Variants in CNTNAP2 observed in about 807,000 individuals in gnomAD.
CNTNAP2 encodes contactin associated protein 2.
Under a neutral mutation model 155.2 loss-of-function variants are expected in CNTNAP2, and 98 were observed. The ratio of observed to expected loss-of-function variants is 0.63; its 90% CI spans 0.54 to 0.75. The LOEUF is 0.75. Among genes scored for constraint, CNTNAP2 ranks in the 30% least tolerant of loss-of-function variants. The pLI, the probability that CNTNAP2 is intolerant of heterozygous loss-of-function variation, is 0.00. For synonymous variants in CNTNAP2, 651 were observed against 631.2 expected, an observed-to-expected ratio of 1.03 and a Z score of -0.47; for missense variants, 1,727 against 1,688.1, an observed-to-expected ratio of 1.02 and a Z score of -0.40.
At position 148,172,145 on chromosome 7, in the gene CNTNAP2, T is replaced by C. The variant is rs528810293; in HGVS notation, c.2774-97T>C. The C allele has an allele frequency of 4.5e-5, 51 of 1,135,900 alleles. No individual in the cohort carries two copies. The African/African-American group carries it at 5.2e-4, about 11-fold the overall frequency. The allele number at this position is 1,135,900 out of a possible 1,614,324, so 70.4% of individuals were successfully genotyped here. ...GATAGTGACAATACTAGATGTGCTA[T>C]GCAGTGTCATCTCCTACCACAGTTG... On this transcript the variant is annotated intron_variant, in intron 17 of 23. Coordinates refer to ENST00000361727, the MANE Select transcript of CNTNAP2 (RefSeq NM_014141.6).
chr7:147,546,482 A>T (rs1799735677), intron 11 of CNTNAP2, among the ~76,000 whole-genome samples: 1 of 152,216 alleles, frequency 6.6e-6, no homozygotes. Flanking sequence ...TCTTCTGGAA[A>T]AGTGAACATC....
rs144055396 is a variant in CNTNAP2 at position 147,120,558 on chromosome 7, T to C, written c.755-421T>C. On this transcript the variant is annotated intron_variant, in intron 5 of 23. Transcript: ENST00000361727. ...GCACTTTTTTCCATGTTTAATAACTTGTACGTACTTTGAACATAAAGTATT... is the reference window on the plus strand; with the variant it reads ...GCACTTTTTTCCATGTTTAATAACTCGTACGTACTTTGAACATAAAGTATT... Among the ~76,000 whole-genome samples the C allele has an allele frequency of 2.0e-5, 3 of 152,320 alleles. 1 individual carries two copies. Among genetic ancestry groups the C allele is most frequent in the African/African-American group, 7.2e-5 (3 of 41,582 alleles).
At chr7:148,280,188 G>A (rs1316110755) in intron 21 of CNTNAP2, among the ~76,000 whole-genome samples, 1 of 151,948 alleles carries the variant, frequency 6.6e-6, no homozygotes, top group Non-Finnish European at 1.5e-5. Flanking sequence ...CATGCCTGTA[G>A]TCCCAGCTAC....
chr7:147,790,393 T>C (rs1797801741), intron 13 of CNTNAP2, among the ~76,000 whole-genome samples: 1 of 152,174 alleles, frequency 6.6e-6, no homozygotes, highest in African/African-American at 2.4e-5. Flanking sequence ...AGGAACAGAG[T>C]TCAGTAAGTA....
chr7:147,954,901 T>C (rs1215290856), intron 14 of CNTNAP2, among the ~76,000 whole-genome samples: 1 of 152,252 alleles, frequency 6.6e-6, no homozygotes, highest in Admixed American at 6.5e-5. Context: ...GTGATTTCAC[T>C]ATGAAGAGAT....
In CNTNAP2 at chr7:146,943,495, C is replaced by A. The variant is rs548034662; in HGVS notation, c.403-100412C>A. Among the ~76,000 whole-genome samples, 4 of 152,150 alleles carry A rather than the reference C, an allele frequency of 2.6e-5. No homozygotes were observed. The East Asian group carries it at 7.7e-4, about 29-fold the overall frequency. Reference sequence around the variant, plus strand: ...TGACAGAGTAAGATTCTGTCTCAAACAAACAAAGCAAACAAAGAAAAAGAG... The same window carrying A: ...TGACAGAGTAAGATTCTGTCTCAAAAAAACAAAGCAAACAAAGAAAAAGAG... On this transcript the variant is annotated intron_variant, in intron 3 of 23. Coordinates refer to ENST00000361727, the MANE Select transcript of CNTNAP2 (RefSeq NM_014141.6).
intron 15 of CNTNAP2, among the ~76,000 whole-genome samples, chr7:148,103,279 C>T (rs983352018): frequency 5.9e-5 from 9 of 151,660 alleles, no homozygotes; most frequent in Admixed American, 5.9e-4. Flanking sequence ...CTAAGCAGTA[C>T]CCAGCTTGAC....
intron 15 of CNTNAP2, among the ~76,000 whole-genome samples, chr7:148,051,991 T>C (rs1247973684): frequency 6.6e-6 from 1 of 151,976 alleles, no homozygotes; most frequent in African/African-American, 2.4e-5. Flanking sequence ...TACAAAAAAT[T>C]AGCCGGGCGT....
intron 11 of CNTNAP2, among the ~76,000 whole-genome samples, chr7:147,558,804 A>G (rs4520082): frequency 0.46 from 70,092 of 150,862 alleles, 16,377 homozygotes; most frequent in East Asian, 0.62. Flanking sequence ...GTGCGGTGGC[A>G]CAATCTTATC....
chr7:147,917,323 T>TATAACTGCATATAACTGCATA (rs1477360349), intron 14 of CNTNAP2, among the ~76,000 whole-genome samples: 1 of 152,198 alleles, frequency 6.6e-6, no homozygotes, highest in African/African-American at 2.4e-5. Flanking sequence ...TAGGGCTAGG[T>TATAACTGCATATAACTGCATA]TAAGCTGCAT....
intron 1 of CNTNAP2, among the ~76,000 whole-genome samples, chr7:146,525,936 C>A (rs928338120): frequency 2.0e-5 from 3 of 152,092 alleles, no homozygotes; most frequent in Non-Finnish European, 4.4e-5. Context: ...CCAATGGAGC[C>A]ACACAGTGGA....
At chr7:146,989,456 G>A (rs969611099) in intron 3 of CNTNAP2, among the ~76,000 whole-genome samples, 2 of 152,016 alleles carry the variant, frequency 1.3e-5, no homozygotes, top group Non-Finnish European at 2.9e-5. Flanking sequence ...TTGGCTAAAA[G>A]GGCTAAGAAG....
At chr7:148,147,362 C>T (rs564291506) in intron 16 of CNTNAP2, 129 bp from the exon 17 acceptor site, 35 of 890,692 alleles carry the variant, frequency 3.9e-5, no homozygotes, top group Admixed American at 1.0e-4. Context: ...ATTTTGCCAT[C>T]GACCTTTGTA....
intron 18 of CNTNAP2, 72 bp from the exon 19 acceptor site, chr7:148,217,216 T>C (rs1285267438): frequency 2.0e-6 from 3 of 1,471,406 alleles, no homozygotes; most frequent in Admixed American, 1.7e-5. Context: ...CATGAACTGC[T>C]GGAGAGGTCA....
chr7:148,321,001 AAG>A (rs1797782451), intron 21 of CNTNAP2, among the ~76,000 whole-genome samples: 1 of 152,168 alleles, frequency 6.6e-6, no homozygotes, highest in Non-Finnish European at 1.5e-5. Context: ...TTTCAGAGTA[AAG>A]AGAGGTTTCT....
intron 9 of CNTNAP2, among the ~76,000 whole-genome samples, chr7:147,349,721 G>A (rs962731239): frequency 6.6e-6 from 1 of 151,844 alleles, no homozygotes; most frequent in East Asian, 1.9e-4. Context: ...AATTCTGATG[G>A]TTTTAAAACT....
Position 146,239,939 on chromosome 7 carries a change from T to C in CNTNAP2, c.97+122966T>C, listed in dbSNP as rs73739593. On this transcript the variant is annotated intron_variant, in intron 1 of 23. Coordinates refer to ENST00000361727, the MANE Select transcript of CNTNAP2 (RefSeq NM_014141.6). Reference sequence around the variant, plus strand: ...TAAAATTTTAAAAACTAAAATATATTATAAATTCTCATGGATCTGTCTACA... The same window carrying C: ...TAAAATTTTAAAAACTAAAATATATCATAAATTCTCATGGATCTGTCTACA... 6.0e-3 allele frequency among the ~76,000 whole-genome samples: 917 copies of C among 152,244 alleles called. 9 individuals are homozygous for C. Among genetic ancestry groups the C allele is most frequent in the African/African-American group, 0.021 (871 of 41,578 alleles).
chr7:147,850,182 TA>T (rs1164756511), intron 13 of CNTNAP2, among the ~76,000 whole-genome samples: 1 of 152,152 alleles, frequency 6.6e-6, no homozygotes, highest in Non-Finnish European at 1.5e-5. Flanking sequence ...TCAAAGAGAA[TA>T]AAACAGCTAG....
intron 11 of CNTNAP2, among the ~76,000 whole-genome samples, chr7:147,516,943 C>T (rs1799140025): frequency 6.7e-6 from 1 of 150,272 alleles, no homozygotes; most frequent in Non-Finnish European, 1.5e-5. Flanking sequence ...CTCACTGCGA[C>T]CACTGCCTCC....
Sources: gnomAD v4.1 joint callset for allele counts (sites outside exome capture counted in the v4.1 genomes callset) on GRCh38, gnomAD v4.1.1 for gene constraint, MANE v1.5 for transcripts, NCBI Gene and HGNC (gene_info 2026-07-23, HGNC 2026-07-21) for gene names.